The following DIS3L2 variants were observed in gnomAD, a reference collection of about 807,000 sequenced individuals.
The protein encoded by DIS3L2 is DIS3 like 3'-5' exoribonuclease 2.
Under a neutral mutation model 97.5 loss-of-function variants are expected in DIS3L2, and 34 were observed. The observed-to-expected ratio is 0.35, with a 90% CI of 0.27 to 0.46. The LOEUF is 0.46. DIS3L2 is among the 20% of genes least tolerant of loss of function. The pLI, the probability that DIS3L2 is intolerant of heterozygous loss-of-function variation, is 1.00. For synonymous variants in DIS3L2, 435 were observed against 445.2 expected (o/e 0.98, Z 0.29); for missense variants, 1,038 against 1,146.0 (o/e 0.91, Z 1.36).
intron 1 of DIS3L2, among the ~76,000 whole-genome samples, chr2:231,987,971 G>A (rs1326532784): frequency 6.6e-6 from 1 of 152,142 alleles, no homozygotes; most frequent in Non-Finnish European, 1.5e-5. Flanking sequence ...AGCCTCCCAA[G>A]TAGCTGGGAT....
Position 231,975,280 on chromosome 2 carries a change from C to T in DIS3L2, c.-94+13515C>T, listed in dbSNP as rs576447820. ...TCACTAGCATGAAGAGCTCTGGACT[C>T]TGAGGCAGTTGGAACAGGATTCTAT... is the stretch of plus-strand genomic sequence containing the variant. On this transcript the variant is annotated intron_variant, in intron 1 of 20. Transcript: ENST00000325385. Among the ~76,000 whole-genome samples, 422 of 152,122 alleles carry T rather than the reference C, an allele frequency of 2.8e-3. 1 individual carries two copies. The highest frequency in any genetic ancestry group is 4.6e-3 in the Non-Finnish European group (313 of 67,998).
At chr2:231,972,653 C>G (rs1013735719) in intron 1 of DIS3L2, among the ~76,000 whole-genome samples, 3 of 152,172 alleles carry the variant, frequency 2.0e-5, no homozygotes, top group Non-Finnish European at 4.4e-5. Context: ...AAGCGATTCT[C>G]CTGCCTCAGC....
At position 232,154,805 on chromosome 2, in the gene DIS3L2, G is replaced by A. The variant is rs1426581125; in HGVS notation, c.951-8654G>A. Among the ~76,000 whole-genome samples, 23 of 134,200 alleles carry A rather than the reference G, an allele frequency of 1.7e-4. No individual in the cohort carries two copies. In the South Asian group the frequency reaches 5.6e-3, roughly 32 times the overall value. 88.0% of individuals were successfully genotyped at this position (134,200 alleles called of 152,430 possible). On this transcript the variant is annotated intron_variant, in intron 8 of 20. Coordinates refer to ENST00000325385, the MANE Select transcript of DIS3L2 (RefSeq NM_152383.5). ...TGGCGGGCGCCCCTCCCCCAGCCTC[G>A]TTGCCGCCTTGCAGTTTGATCTCAG...
chr2:232,248,568 A>G (rs1229630149), intron 11 of DIS3L2, among the ~76,000 whole-genome samples: 4 of 152,244 alleles, frequency 2.6e-5, no homozygotes, highest in African/African-American at 9.6e-5. Flanking sequence ...ACAGTTTTTA[A>G]TTAAAGAGTA....
intron 9 of DIS3L2, among the ~76,000 whole-genome samples, chr2:232,186,351 A>G (rs933071477): frequency 1.3e-5 from 2 of 152,260 alleles, no homozygotes; most frequent in African/African-American, 2.4e-5. Context: ...TCATCATTCA[A>G]CCATGTCACA....
intron 5 of DIS3L2, among the ~76,000 whole-genome samples, chr2:232,063,907 A>G (rs1356521976): frequency 1.3e-5 from 2 of 152,122 alleles, no homozygotes; most frequent in Non-Finnish European, 2.9e-5. Flanking sequence ...TATTTCTTGG[A>G]TTTTAAGTTT....
intron 9 of DIS3L2, among the ~76,000 whole-genome samples, chr2:232,208,978 T>C (rs960354529): frequency 2.6e-5 from 4 of 151,458 alleles, no homozygotes; most frequent in Non-Finnish European, 4.4e-5. Flanking sequence ...CAGTGAGCCA[T>C]ACAAAAAAAA....
intron 13 of DIS3L2, among the ~76,000 whole-genome samples, chr2:232,285,769 A>G (rs537910049): frequency 6.6e-6 from 1 of 152,266 alleles, no homozygotes; most frequent in African/African-American, 2.4e-5. Context: ...ATACCTGGAC[A>G]CTTGTTCCTG....
At chr2:231,980,708 GA>G (rs1186478598) in intron 1 of DIS3L2, among the ~76,000 whole-genome samples, 19 of 146,862 alleles carry the variant, frequency 1.3e-4, no homozygotes, top group East Asian at 3.9e-4. Flanking sequence ...GAGAGAGAGA[GA>G]AAAAAAAAAG....
chr2:232,254,266 C>G (rs1277152386), intron 12 of DIS3L2, among the ~76,000 whole-genome samples: 1 of 151,834 alleles, frequency 6.6e-6, no homozygotes, highest in Non-Finnish European at 1.5e-5. Context: ...AAAAAAGCAC[C>G]CTTTTAAAGA....
chr2:232,168,780 TA>T (rs1243824966), intron 9 of DIS3L2, among the ~76,000 whole-genome samples: 2 of 152,104 alleles, frequency 1.3e-5, no homozygotes, highest in Non-Finnish European at 1.5e-5. Flanking sequence ...AGAGAAGCCA[TA>T]AGTGTGTGGA....
At chr2:232,192,001 C>T (rs1197416234) in intron 9 of DIS3L2, among the ~76,000 whole-genome samples, 1 of 152,150 alleles carries the variant, frequency 6.6e-6, no homozygotes, top group African/African-American at 2.4e-5. Flanking sequence ...GTCTTCTCTA[C>T]CCTAGTGTTT....
At chr2:231,982,432 C>G (rs930422350) in intron 1 of DIS3L2, among the ~76,000 whole-genome samples, 2 of 152,144 alleles carry the variant, frequency 1.3e-5, no homozygotes, top group African/African-American at 4.8e-5. Flanking sequence ...ATATTCAATA[C>G]TTACGTATTT....
At position 232,330,845 on chromosome 2, in the gene DIS3L2, C is replaced by T. The variant is rs879686443; in HGVS notation, c.2010+69C>T. 8.9e-6 allele frequency: 13 copies of T among 1,459,204 alleles called. No homozygotes were observed. The East Asian group carries it at 1.1e-4, about 13-fold the overall frequency. The allele number at this position is 1,459,204 out of a possible 1,614,324, so 90.4% of individuals were successfully genotyped here. A position where few individuals can be genotyped will look rare whatever the true frequency, so the allele number is the denominator to read the frequency against. On this transcript the variant is annotated intron_variant, in intron 16 of 20. Coordinates refer to ENST00000325385, the MANE Select transcript of DIS3L2 (RefSeq NM_152383.5). ...ACTAGCCCCAGACCTGTGACCTCCA[C>T]GTGCAAGCACAGGCCCCCACCGTTC... is the stretch of plus-strand genomic sequence containing the variant.
chr2:232,333,688 C>T, intron 16 of DIS3L2, 152 bp from the exon 17 acceptor site: 1 of 1,225,372 alleles, frequency 8.2e-7, no homozygotes, highest in Non-Finnish European at 1.1e-6. Flanking sequence ...AGGGCCCTGG[C>T]CCCAGTCCTC....
downstream of DIS3L2, among the ~76,000 whole-genome samples, chr2:232,339,472 G>A (rs557510378): frequency 2.0e-5 from 3 of 151,370 alleles, no homozygotes; most frequent in South Asian, 6.2e-4. Flanking sequence ...GGCCTGACAG[G>A]GACAGGCTGC....
rs143935110 is a variant in DIS3L2 at position 232,082,510 on chromosome 2, G to T, written c.367-4977G>T. Among the ~76,000 whole-genome samples, 611 of 152,302 alleles carry T rather than the reference G, an allele frequency of 4.0e-3. 5 individuals carry two copies. The highest frequency in any genetic ancestry group is 0.014 in the African/African-American group (573 of 41,570). ...ACTGTGCATGCAAGAGATCTAGGTTGCATGCTCCTTATGAGAATCTAATGC... is the reference window on the plus strand; with the variant it reads ...ACTGTGCATGCAAGAGATCTAGGTTTCATGCTCCTTATGAGAATCTAATGC... On this transcript the variant is annotated intron_variant, in intron 5 of 20. Coordinates refer to ENST00000325385, the MANE Select transcript of DIS3L2 (RefSeq NM_152383.5).
intron 6 of DIS3L2, among the ~76,000 whole-genome samples, chr2:232,117,042 A>G (rs940717054): frequency 5.3e-5 from 8 of 152,054 alleles, no homozygotes. Context: ...CTTGGCTCTG[A>G]CACTCATTTC....
At chr2:232,283,272 TTTTA>T (rs1039370019) in intron 13 of DIS3L2, among the ~76,000 whole-genome samples, 51 of 152,280 alleles carry the variant, frequency 3.3e-4, no homozygotes, top group Non-Finnish European at 6.5e-4. Flanking sequence ...TCATTTCTCT[TTTTA>T]TTTGAGGCAG....
Sources: gnomAD v4.1 joint callset for allele counts (sites outside exome capture counted in the v4.1 genomes callset) on GRCh38, gnomAD v4.1.1 for gene constraint, MANE v1.5 for transcripts, NCBI Gene and HGNC (gene_info 2026-07-23, HGNC 2026-07-21) for gene names.